The following ESYT1 variants were observed in gnomAD, a reference collection of about 807,000 sequenced individuals.
ESYT1 encodes extended synaptotagmin 1, also known as extended synaptotagmin-1.
ESYT1 carries 116 observed loss-of-function variants against 154.2 expected under a neutral mutation model. That is an observed-to-expected ratio of 0.75 (90% CI 0.65 to 0.88). ESYT1 has a LOEUF of 0.88. Among genes scored for constraint, ESYT1 ranks in the 40% least tolerant of loss-of-function variants. ESYT1 has a pLI of 0.00. For missense variants in ESYT1, 1,264 were observed against 1,379.3 expected, an observed-to-expected ratio of 0.92 and a Z score of 1.32; for synonymous variants, 500 against 539.9, an observed-to-expected ratio of 0.93 and a Z score of 1.02.
intron 29 of ESYT1, 44 bp from the exon 30 acceptor site, chr12:56,143,536 A>G: frequency 6.2e-7 from 1 of 1,612,280 alleles, no homozygotes. Flanking sequence ...CTGTCTCAAA[A>G]AATAAAAGAA....
intron 30 of ESYT1, 42 bp downstream of exon 30, chr12:56,143,671 T>C (rs777188951): frequency 1.2e-6 from 2 of 1,613,114 alleles, no homozygotes; most frequent in Non-Finnish European, 1.7e-6. Context: ...GATATTTCAG[T>C]GGGAGAAATT....
chr12:56,142,653 GAA>G lies in ESYT1; in HGVS notation c.2810_2811del (p.Glu937AlafsTer25). The G allele has an allele frequency of 6.2e-7, 1 of 1,614,130 alleles. No homozygotes were observed. The highest frequency in any genetic ancestry group is 8.5e-7 in the Non-Finnish European group (1 of 1,180,038). On this transcript the variant is annotated frameshift_variant, in exon 26 of 31. Coordinates refer to ENST00000394048, the MANE Select transcript of ESYT1 (RefSeq NM_015292.3). LOFTEE classifies it high-confidence loss of function. The surrounding 1 kb of genome is among the most constrained non-coding windows in gnomAD (Gnocchi z 4.1). ...YSHSSSSLSE[E>X]PELSGGPPHI... The stretch of plus-strand genomic sequence containing the variant: ...CCACAGCTCCTCATCGCTGAGTGAA[GAA>G]CCAGAGCTCTCGGGGGGACCCCCTC...
At position 56,136,925 on chromosome 12, in the gene ESYT1, G is replaced by A. The variant is rs746431785; in HGVS notation, c.1782+32G>A. ...AAATAGAGGAGGTACTGAGGTGTGG[G>A]GGAAAGGCCTGTTGATTCTTTGGTA... On this transcript the variant is annotated intron_variant, in intron 16 of 30. Transcript: ENST00000394048. The A allele has an allele frequency of 2.6e-6, 4 of 1,548,974 alleles. No homozygotes were observed. The Admixed American group carries it at 8.1e-5, about 31-fold the overall frequency.
In ESYT1 at chr12:56,130,314, C is replaced by G. The variant is rs949263325; in HGVS notation, c.391-268C>G. ...CCTTCTCCTCCTCCCGCTCCTCTCT[C>G]TCTCAGCAGCTGTCATTTCACCACG... On this transcript the variant is annotated intron_variant, in intron 1 of 30. Transcript: ENST00000394048. The G allele has an allele frequency of 5.4e-6, 3 of 557,500 alleles. No homozygotes were observed. The African/African-American group carries it at 5.6e-5, about 10-fold the overall frequency. The allele number at this position is 557,500 out of a possible 1,614,324, so 34.5% of individuals were successfully genotyped here.
chr12:56,128,679 C>T lies in ESYT1; in HGVS notation c.360C>T (p.Leu120=), dbSNP rs1870104331. The change falls in exon 1 of 31, where the codon CTC becomes CTT. Residue 120 remains leucine (L), a synonymous_variant. Transcript: ENST00000394048. ...DDEEQLTAKT[L]YMSHRELPAW... ...AGGAGCAGCTCACTGCGAAAACTCT[C>T]TATATGAGTCATCGAGAGCTACCTG... is the stretch of plus-strand genomic sequence containing the variant. 1 of 1,614,080 alleles carries T rather than the reference C, an allele frequency of 6.2e-7. No individual in the cohort carries two copies. Among genetic ancestry groups the T allele is most frequent in the African/African-American group, 1.3e-5 (1 of 75,052 alleles).
At chr12:56,136,242 AT>A (rs1354205753) in intron 15 of ESYT1, among the ~76,000 whole-genome samples, 2 of 151,968 alleles carry the variant, frequency 1.3e-5, no homozygotes, top group Non-Finnish European at 2.9e-5. Context: ...GATGAGTAGG[AT>A]TTAAATAGGC....
chr12:56,135,042 G>A (rs1870393731), intron 15 of ESYT1, among the ~76,000 whole-genome samples: 1 of 151,792 alleles, frequency 6.6e-6, no homozygotes, highest in Admixed American at 6.6e-5. Context: ...CAATTTTATT[G>A]AGGCATAATT....
At position 56,142,854 on chromosome 12, in the gene ESYT1, G is replaced by C; in HGVS notation, c.2908G>C (p.Gly970Arg). ...CCACAGTCCCCTTGAGGCTCCAGCCGGGCCTCTGGGCCAGGTGAAACTGAC... is the reference window on the plus strand; with the variant it reads ...CCACAGTCCCCTTGAGGCTCCAGCCCGGCCTCTGGGCCAGGTGAAACTGAC... ...HVDSPLEAPA[G>R]PLGQVKLTLW... Residue 970 changes from glycine (G) to arginine (R), a missense_variant, in exon 27 of 31, where the codon GGG becomes CGG. Physicochemically the swap from Gly to Arg is moderately radical, Grantham distance 125. Coordinates refer to ENST00000394048, the MANE Select transcript of ESYT1 (RefSeq NM_015292.3). This position sits in a 1 kb window ranked among gnomAD's most constrained non-coding sequence, Gnocchi z 4.1. 1 of 1,614,170 alleles carries C rather than the reference G, an allele frequency of 6.2e-7. No individual in the cohort carries two copies. Among genetic ancestry groups the C allele is most frequent in the Non-Finnish European group, 8.5e-7 (1 of 1,180,034 alleles).
At chr12:56,130,764 C>A in intron 2 of ESYT1, 27 bp from the exon 3 acceptor site, 1 of 1,613,608 alleles carries the variant, frequency 6.2e-7, no homozygotes, top group South Asian at 1.1e-5. Flanking sequence ...ACTGGACTCT[C>A]CTCTGACCAT....
chr12:56,131,154 G>C (rs1302432598), intron 4 of ESYT1, 41 bp downstream of exon 4: 2 of 1,612,940 alleles, frequency 1.2e-6, no homozygotes, highest in South Asian at 2.2e-5. Context: ...CCTTCAATGT[G>C]TCCTGTTCAG....
intron 19 of ESYT1, 30 bp from the exon 20 acceptor site, chr12:56,137,996 A>G: frequency 6.2e-7 from 1 of 1,614,008 alleles, no homozygotes; most frequent in East Asian, 2.2e-5. Context: ...CTCACCATCT[A>G]GCTTTTGTCT....
Position 56,142,119 on chromosome 12 carries a change from A to C in ESYT1, c.2593-166A>C, listed in dbSNP as rs184955015. ...TCTCAAAAAAAAAAAAAAGGAAGGA[A>C]GGACAGAGGGAGGGACTAGCAACTG... On this transcript the variant is annotated intron_variant, in intron 24 of 30. Coordinates refer to ENST00000394048, the MANE Select transcript of ESYT1 (RefSeq NM_015292.3). The surrounding 1 kb of genome is among the most constrained non-coding windows in gnomAD (Gnocchi z 4.1). Among the ~76,000 whole-genome samples, 98 of 151,838 alleles carry C rather than the reference A, an allele frequency of 6.5e-4. No individual in the cohort carries two copies. Among genetic ancestry groups the C allele is most frequent in the African/African-American group, 2.3e-3 (96 of 41,474 alleles).
Position 56,132,626 on chromosome 12 carries a change from G to A in ESYT1, c.1161+29G>A, listed in dbSNP as rs368276583. The A allele has an allele frequency of 4.3e-6, 7 of 1,613,956 alleles. No homozygotes were observed. The Admixed American group carries it at 6.7e-5, about 15-fold the overall frequency. On this transcript the variant is annotated intron_variant, in intron 9 of 30. Transcript: ENST00000394048. Reference sequence around the variant, plus strand: ...GGAGAGTTGAGCAGCTCTGTGAAATGGGGAAGCCCCAGGAGGTTGTGAGAG... The same window carrying A: ...GGAGAGTTGAGCAGCTCTGTGAAATAGGGAAGCCCCAGGAGGTTGTGAGAG...
intron 21 of ESYT1, 52 bp downstream of exon 21, chr12:56,138,324 C>G (rs772122731): frequency 6.2e-7 from 1 of 1,612,240 alleles, no homozygotes. Flanking sequence ...GCAGGATGAG[C>G]TCTTCTCTTA....
Position 56,128,650 on chromosome 12 carries a change from G to A in ESYT1, c.331G>A (p.Asp111Asn), listed in dbSNP as rs140253116. 4 of 1,614,198 alleles carry A rather than the reference G, an allele frequency of 2.5e-6. No homozygotes were observed. In the African/African-American group the frequency reaches 5.3e-5, roughly 22 times the overall value. ...SLRAARQLLD[D>N]EEQLTAKTLY... ...TCGAGCAGCGAGGCAGCTACTGGAC[G>A]ACGAGGAGCAGCTCACTGCGAAAAC... is the stretch of plus-strand genomic sequence containing the variant. Residue 111 changes from aspartate to asparagine, a missense_variant, in exon 1 of 31, where the codon GAC (aspartate) becomes AAC (asparagine). By Grantham distance (23) the Asp-to-Asn change is conservative. Transcript: ENST00000394048.
intron 3 of ESYT1, 37 bp downstream of exon 3, chr12:56,130,962 G>C: frequency 6.2e-7 from 1 of 1,614,136 alleles, no homozygotes; most frequent in Non-Finnish European, 8.5e-7. Context: ...AGGTAGGCTA[G>C]GGAGGGTGAG....
In ESYT1 at chr12:56,128,844, C is replaced by G. The variant is rs1870112985; in HGVS notation, c.390+135C>G. 12 of 1,105,924 alleles carry G rather than the reference C, an allele frequency of 1.1e-5. No homozygotes were observed. In the South Asian group the frequency reaches 1.8e-4, roughly 17 times the overall value. 68.5% of individuals were successfully genotyped at this position (1,105,924 alleles called of 1,614,324 possible). ...CCCCAGACTTTCCCCTCTCTCCCCGCTAGCCGCCTGCCTGCTGGACGCGCC... is the reference window on the plus strand; with the variant it reads ...CCCCAGACTTTCCCCTCTCTCCCCGGTAGCCGCCTGCCTGCTGGACGCGCC... On this transcript the variant is annotated intron_variant, in intron 1 of 30. Transcript: ENST00000394048.
chr12:56,144,324 C>T lies in ESYT1; in HGVS notation c.*462C>T, dbSNP rs1392825911. 9.8e-7 allele frequency: 1 copy of T among 1,020,028 alleles called. No homozygotes were observed. The highest frequency in any genetic ancestry group is 5.1e-5 in the Admixed American group (1 of 19,600). 63.2% of individuals were successfully genotyped at this position (1,020,028 alleles called of 1,614,324 possible). A position where few individuals can be genotyped will look rare whatever the true frequency, so the allele number is the denominator to read the frequency against. ...CAGCTGTGAGCCTCTTAGACTACTG[C>T]ATGTAGCAAATGTTCAGCAGCTCAG... On this transcript the variant is annotated 3_prime_UTR_variant, in exon 31 of 31. Transcript: ENST00000394048.
intron 11 of ESYT1, 50 bp downstream of exon 11, chr12:56,133,515 ATAG>A: frequency 6.2e-7 from 1 of 1,613,754 alleles, no homozygotes; most frequent in Non-Finnish European, 8.5e-7. Flanking sequence ...CTTTGGGTAG[ATAG>A]TAGTTGCTAC....
Sources: allele counts gnomAD v4.1 joint callset (sites outside exome capture counted in the v4.1 genomes callset), GRCh38; gene constraint gnomAD v4.1.1; non-coding constraint Gnocchi (gnomAD v3.1); transcripts MANE v1.5; gene names NCBI Gene and HGNC (gene_info 2026-07-23, HGNC 2026-07-21).